Variants in GRIP1 observed in about 807,000 individuals in gnomAD.
GRIP1 encodes the protein glutamate receptor interacting protein 1, also known as glutamate receptor-interacting protein 1.
GRIP1 carries 45 observed loss-of-function variants against 129.9 expected under a neutral mutation model. The ratio of observed to expected loss-of-function variants is 0.35; its 90% CI spans 0.27 to 0.44. GRIP1 has a LOEUF of 0.44. GRIP1 is among the 20% of genes least tolerant of loss of function. The pLI is 1.00. For synonymous variants in GRIP1, 530 were observed against 520.8 expected, an observed-to-expected ratio of 1.02 and a Z score of -0.24; for missense variants, 1,196 against 1,396.8, an observed-to-expected ratio of 0.86 and a Z score of 2.29.
intron 7 of GRIP1, among the ~76,000 whole-genome samples, chr12:66,483,911 G>C (rs1450331914): frequency 1.3e-5 from 2 of 151,046 alleles, no homozygotes; most frequent in Admixed American, 6.6e-5. Flanking sequence ...CCAGGCTGGA[G>C]TGCAGTGGCG....
chr12:66,740,512 A>G (rs530399643), intron 1 of GRIP1, among the ~76,000 whole-genome samples: 7 of 152,258 alleles, frequency 4.6e-5, no homozygotes, highest in African/African-American at 1.4e-4. Flanking sequence ...ATGGTTTGAA[A>G]CCTGAGTTCT....
At chr12:66,379,160 T>A in intron 20 of GRIP1, 120 bp downstream of exon 20, 1 of 1,114,480 alleles carries the variant, frequency 9.0e-7, no homozygotes, top group South Asian at 1.3e-5. Flanking sequence ...CATGGATGAT[T>A]ATGGTGGCTT....
At chr12:66,657,950 G>A (rs2033263675) in intron 1 of GRIP1, among the ~76,000 whole-genome samples, 1 of 152,174 alleles carries the variant, frequency 6.6e-6, no homozygotes, top group Non-Finnish European at 1.5e-5. Flanking sequence ...GGTTCTTACA[G>A]AAACATAAAA....
chr12:66,950,248 G>A (rs2041736015), intron 1 of GRIP1, among the ~76,000 whole-genome samples: 1 of 152,116 alleles, frequency 6.6e-6, no homozygotes, highest in Non-Finnish European at 1.5e-5. Flanking sequence ...TTCCAAAACA[G>A]CTAATAGTTC....
In GRIP1 at chr12:67,022,131, C is replaced by T. The variant is rs561000307; in HGVS notation, c.58+46919G>A. Among the ~76,000 whole-genome samples the T allele has an allele frequency of 3.0e-4, 46 of 152,238 alleles. No individual in the cohort carries two copies. In the South Asian group the frequency reaches 6.0e-3, roughly 20 times the overall value. On this transcript the variant is annotated intron_variant, in intron 1 of 1. Coordinates refer to the GRIP1 transcript ENST00000643019. ...ATCAACATGGGAGTGTTCTCTCATA[C>T]GCTGATCTCTTCCATATACTCTATA...
At chr12:66,884,605 C>G (rs2040534275) in intron 1 of GRIP1, among the ~76,000 whole-genome samples, 1 of 151,908 alleles carries the variant, frequency 6.6e-6, no homozygotes. Context: ...GAAACAAAAG[C>G]CTTAACAGAA....
At chr12:66,872,155 A>T (rs985961184) in intron 1 of GRIP1, among the ~76,000 whole-genome samples, 1 of 151,982 alleles carries the variant, frequency 6.6e-6, no homozygotes, top group Non-Finnish European at 1.5e-5. Context: ...CACCTGCAGG[A>T]GGTTTTGCCA....
chr12:66,827,860 C>T (rs2039446969), intron 1 of GRIP1, among the ~76,000 whole-genome samples: 1 of 152,094 alleles, frequency 6.6e-6, no homozygotes, highest in Non-Finnish European at 1.5e-5. Context: ...AATTCTTTTT[C>T]ATAAAAACAT....
intron 1 of GRIP1, among the ~76,000 whole-genome samples, chr12:66,694,252 T>C (rs1335023377): frequency 6.6e-6 from 1 of 152,224 alleles, no homozygotes; most frequent in Admixed American, 6.5e-5. Flanking sequence ...TAAGCATTTC[T>C]ACTTGAGGCC....
chr12:66,698,426 C>T (rs1165035152), intron 1 of GRIP1, among the ~76,000 whole-genome samples: 1 of 152,142 alleles, frequency 6.6e-6, no homozygotes, highest in Non-Finnish European at 1.5e-5. Context: ...TTTTCATTTG[C>T]ACACAGGATG....
intron 19 of GRIP1, among the ~76,000 whole-genome samples, 166 bp from the exon 20 acceptor site, chr12:66,379,602 A>T (rs1276427553): frequency 6.6e-6 from 1 of 152,196 alleles, no homozygotes; most frequent in Non-Finnish European, 1.5e-5. Context: ...CAAGTACTTC[A>T]TTTTGAGCCA....
At chr12:66,946,379 C>A (rs2041668256) in intron 1 of GRIP1, among the ~76,000 whole-genome samples, 1 of 152,100 alleles carries the variant, frequency 6.6e-6, no homozygotes, top group Non-Finnish European at 1.5e-5. Flanking sequence ...GATCAACAAT[C>A]CCTAGGTAGC....
chr12:66,483,386 C>T (rs2059861398), intron 7 of GRIP1, among the ~76,000 whole-genome samples: 1 of 152,022 alleles, frequency 6.6e-6, no homozygotes, highest in African/African-American at 2.4e-5. Flanking sequence ...AAAAGTGCAC[C>T]TTCCAATGTT....
intron 1 of GRIP1, among the ~76,000 whole-genome samples, chr12:66,609,047 G>A (rs1450939257): frequency 6.6e-6 from 1 of 151,568 alleles, no homozygotes; most frequent in South Asian, 2.1e-4. Context: ...CCTTTGAGTA[G>A]GGGATTTACT....
intron 7 of GRIP1, among the ~76,000 whole-genome samples, chr12:66,493,396 T>G (rs1211936412): frequency 2.0e-5 from 3 of 152,222 alleles, no homozygotes; most frequent in African/African-American, 7.2e-5. Context: ...TCCATGGAAC[T>G]GTATATGCCT....
intron 14 of GRIP1, among the ~76,000 whole-genome samples, chr12:66,422,345 T>C (rs1211096977): frequency 6.6e-6 from 1 of 152,230 alleles, no homozygotes; most frequent in African/African-American, 2.4e-5. Flanking sequence ...AATTAATTCA[T>C]AATTTAAAAC....
intron 1 of GRIP1, among the ~76,000 whole-genome samples, chr12:66,633,182 T>G (rs2030990940): frequency 6.7e-6 from 1 of 149,754 alleles, no homozygotes; most frequent in Non-Finnish European, 1.5e-5. Context: ...CCGGCTAATT[T>G]TTGTGTGTGT....
At chr12:66,987,639 A>T (rs187545605) in intron 1 of GRIP1, among the ~76,000 whole-genome samples, 59 of 152,236 alleles carry the variant, frequency 3.9e-4, no homozygotes, top group African/African-American at 1.3e-3. Flanking sequence ...ACCCCAATCA[A>T]TCTTTTCCAA....
At chr12:66,699,325 A>T (rs999142465) in intron 1 of GRIP1, among the ~76,000 whole-genome samples, 1 of 152,208 alleles carries the variant, frequency 6.6e-6, no homozygotes, top group Non-Finnish European at 1.5e-5. Flanking sequence ...AGAGAGTGAT[A>T]TGGCTTGGCT....
Sources: gnomAD v4.1 joint callset for allele counts (sites outside exome capture counted in the v4.1 genomes callset) on GRCh38, gnomAD v4.1.1 for gene constraint, MANE v1.5 for transcripts, NCBI Gene and HGNC (gene_info 2026-07-23, HGNC 2026-07-21) for gene names.